Variants in LDB2 observed in about 807,000 individuals in gnomAD.
The protein encoded by LDB2 is LIM domain binding 2.
A neutral mutation model predicts 44.3 loss-of-function variants in LDB2; 12 were observed. The ratio of observed to expected loss-of-function variants is 0.27; its 90% CI spans 0.17 to 0.44. LDB2 has a LOEUF of 0.44. LDB2 is among the 20% of genes least tolerant of loss of function. The probability of loss-of-function intolerance (pLI) is 1.00; values close to 1 mark genes in which losing one functional copy is unlikely to be tolerated. For missense variants in LDB2, 344 were observed against 473.5 expected (o/e 0.73, Z 2.54); for synonymous variants, 164 against 174.8 (o/e 0.94, Z 0.49).
intron 2 of LDB2, among the ~76,000 whole-genome samples, chr4:16,684,883 T>C (rs1311771490): frequency 6.6e-6 from 1 of 152,234 alleles, no homozygotes; most frequent in Non-Finnish European, 1.5e-5. Context: ...ATTGTCTCTT[T>C]TACAGATACT....
At chr4:16,645,859 G>A (rs1352758534) in intron 2 of LDB2, among the ~76,000 whole-genome samples, 1 of 152,170 alleles carries the variant, frequency 6.6e-6, no homozygotes, top group Non-Finnish European at 1.5e-5. Context: ...AATGATAACA[G>A]CATCTACTTC....
intron 5 of LDB2, 183 bp from the exon 6 acceptor site, chr4:16,512,287 TATC>T: frequency 1.8e-6 from 1 of 557,510 alleles, no homozygotes; most frequent in Admixed American, 3.4e-5. Flanking sequence ...TCTACTTAAT[TATC>T]ATTTATAATA....
intron 1 of LDB2, among the ~76,000 whole-genome samples, chr4:16,776,238 T>A (rs1223632650): frequency 6.6e-6 from 1 of 152,202 alleles, no homozygotes; most frequent in Non-Finnish European, 1.5e-5. Flanking sequence ...TTTCCCCATC[T>A]GTCAAATATA....
intron 3 of LDB2, among the ~76,000 whole-genome samples, chr4:16,593,748 C>T (rs1392153097): frequency 1.3e-5 from 2 of 152,160 alleles, no homozygotes; most frequent in Non-Finnish European, 2.9e-5. Context: ...TTCTGGTGAC[C>T]ACCTTAGATA....
At chr4:16,850,486 C>T (rs1435206098) in intron 1 of LDB2, among the ~76,000 whole-genome samples, 1 of 152,164 alleles carries the variant, frequency 6.6e-6, no homozygotes, top group Non-Finnish European at 1.5e-5. Context: ...ATTTAATTTA[C>T]ATAAGCTTAT....
At chr4:16,821,340 C>T (rs1057341209) in intron 1 of LDB2, among the ~76,000 whole-genome samples, 1 of 151,746 alleles carries the variant, frequency 6.6e-6, no homozygotes, top group Non-Finnish European at 1.5e-5. Flanking sequence ...AGCTCATAGC[C>T]TCTTAAACCA....
chr4:16,779,402 C>A (rs1188607130), intron 1 of LDB2, among the ~76,000 whole-genome samples: 1 of 152,130 alleles, frequency 6.6e-6, no homozygotes, highest in African/African-American at 2.4e-5. Context: ...CCTGGGTCTG[C>A]CTGCAGATCT....
At chr4:16,888,916 A>C (rs895723978) in intron 1 of LDB2, among the ~76,000 whole-genome samples, 2 of 152,154 alleles carry the variant, frequency 1.3e-5, no homozygotes, top group Non-Finnish European at 2.9e-5. Context: ...CTGTCTTACT[A>C]TAAGTCATAC....
intron 2 of LDB2, among the ~76,000 whole-genome samples, chr4:16,630,169 T>C (rs1452657623): frequency 6.6e-6 from 1 of 151,786 alleles, no homozygotes; most frequent in Non-Finnish European, 1.5e-5. Context: ...AAGGAAAAAA[T>C]GTTAAAGGCA....
chr4:16,861,816 T>G (rs1374979980), intron 1 of LDB2, among the ~76,000 whole-genome samples: 2 of 152,222 alleles, frequency 1.3e-5, no homozygotes, highest in South Asian at 2.1e-4. Context: ...CTGTTCCCCC[T>G]GCCTGCAATG....
chr4:16,712,437 G>A (rs766635305), intron 2 of LDB2, among the ~76,000 whole-genome samples: 6 of 151,818 alleles, frequency 4.0e-5, no homozygotes, highest in African/African-American at 9.7e-5. Flanking sequence ...CTGTAGTCCC[G>A]GCTACTTGGG....
intron 2 of LDB2, among the ~76,000 whole-genome samples, chr4:16,735,829 A>T (rs1761787131): frequency 6.6e-6 from 1 of 152,200 alleles, no homozygotes. Flanking sequence ...GATGGATGAG[A>T]TAGTGAAAAA....
At chr4:16,889,691 T>TA (rs1722801282) in intron 1 of LDB2, among the ~76,000 whole-genome samples, 1 of 152,224 alleles carries the variant, frequency 6.6e-6, no homozygotes, top group Non-Finnish European at 1.5e-5. Context: ...CCATGTGCTA[T>TA]ATAGGGCACT....
chr4:16,765,101 C>G (rs1048501583), intron 1 of LDB2, among the ~76,000 whole-genome samples: 4 of 152,192 alleles, frequency 2.6e-5, no homozygotes, highest in Non-Finnish European at 5.9e-5. Context: ...AACACAACCA[C>G]AAGTCTGACA....
intron 2 of LDB2, among the ~76,000 whole-genome samples, chr4:16,630,449 G>A (rs1030181372): frequency 3.3e-5 from 5 of 152,078 alleles, no homozygotes; most frequent in African/African-American, 4.8e-5. Context: ...ACTAAACATG[G>A]AAAGAAACAA....
At chr4:16,759,048 T>C (rs931148331) in intron 2 of LDB2, 110 bp downstream of exon 2, 3 of 655,606 alleles carry the variant, frequency 4.6e-6, no homozygotes, top group African/African-American at 3.7e-5. Context: ...TTCTCAGGAG[T>C]GGAGGTATTA....
intron 1 of LDB2, among the ~76,000 whole-genome samples, chr4:16,791,506 G>A (rs569522123): frequency 2.5e-4 from 32 of 127,430 alleles, no homozygotes; most frequent in Admixed American, 4.6e-4. Flanking sequence ...AGTGAGCTGA[G>A]GTCATGCCTC....
chr4:16,649,685 C>G (rs969558259), intron 2 of LDB2, among the ~76,000 whole-genome samples: 5 of 152,136 alleles, frequency 3.3e-5, no homozygotes, highest in Non-Finnish European at 7.3e-5. Context: ...ATGACTGTGC[C>G]TACTATATAC....
intron 2 of LDB2, among the ~76,000 whole-genome samples, chr4:16,742,074 C>CTTTTTTTTTTTTTTTTTTTTTTTTT (rs33990510): frequency 7.8e-6 from 1 of 128,310 alleles, no homozygotes; most frequent in Admixed American, 8.1e-5. Context: ...CTTTTCTTTT[C>CTTTTTTTTTTTTTTTTTTTTTTTTT]TTTTTTTTTT....
Sources: gnomAD v4.1 joint callset for allele counts (sites outside exome capture counted in the v4.1 genomes callset) on GRCh38, gnomAD v4.1.1 for gene constraint, MANE v1.5 for transcripts, NCBI Gene and HGNC (gene_info 2026-07-23, HGNC 2026-07-21) for gene names.